The following FOXO1 variants were observed in gnomAD, a reference collection of about 807,000 sequenced individuals.
FOXO1 encodes forkhead box protein O1.
In FOXO1, 6 loss-of-function variants were observed where a neutral mutation model predicts 44.1. The observed-to-expected ratio is 0.14, with a 90% CI of 0.07 to 0.27. The LOEUF (loss-of-function observed/expected upper bound fraction) is 0.27. Ranked by LOEUF, FOXO1 falls within the 10% of genes least tolerant of loss-of-function variation. FOXO1 has a pLI of 1.00. For synonymous variants in FOXO1, 380 were observed against 362.7 expected (o/e 1.05, Z -0.54); for missense variants, 737 against 888.8 (o/e 0.83, Z 2.17).
intron 1 of FOXO1, among the ~76,000 whole-genome samples, chr13:40,608,499 G>A (rs1876105810): frequency 6.6e-6 from 1 of 152,112 alleles, no homozygotes; most frequent in Admixed American, 6.5e-5. Flanking sequence ...TGAGACTTTT[G>A]GGGTTATTTG....
intron 1 of FOXO1, among the ~76,000 whole-genome samples, chr13:40,570,535 G>C (rs1257768954): frequency 6.6e-6 from 1 of 152,120 alleles, no homozygotes; most frequent in African/African-American, 2.4e-5. Context: ...ATTAGCCAAA[G>C]GTCTAAATAT....
At chr13:40,619,434 T>C (rs541519661) in intron 1 of FOXO1, 3 of 1,100,600 alleles carry the variant, frequency 2.7e-6, no homozygotes, top group East Asian at 2.4e-5. Context: ...GTGGACAAAA[T>C]GGGAATCAAA....
At chr13:40,577,766 G>A (rs537432416) in intron 1 of FOXO1, among the ~76,000 whole-genome samples, 3 of 152,208 alleles carry the variant, frequency 2.0e-5, no homozygotes, top group African/African-American at 7.2e-5. Context: ...TATACTCAAT[G>A]CCTAGAACAG....
At position 40,567,751 on chromosome 13, in the gene FOXO1, C is replaced by T. The variant is rs914567569; in HGVS notation, c.631-6891G>A. 4.6e-5 allele frequency among the ~76,000 whole-genome samples: 7 copies of T among 152,178 alleles called. No homozygotes were observed. In the East Asian group the frequency reaches 1.4e-3, roughly 29 times the overall value. ...TTGGGAGGCTGAGGAGGGCAGATCACAAGATCAGGAGTTCGAGACCAGCCT... is the reference window on the plus strand; with the variant it reads ...TTGGGAGGCTGAGGAGGGCAGATCATAAGATCAGGAGTTCGAGACCAGCCT... On this transcript the variant is annotated intron_variant, in intron 1 of 2. Transcript: ENST00000379561.
chr13:40,653,796 C>G (rs1001663438), intron 1 of FOXO1, among the ~76,000 whole-genome samples: 8 of 152,120 alleles, frequency 5.3e-5, no homozygotes, highest in Admixed American at 2.0e-4. Flanking sequence ...TAAGTACTCA[C>G]CAGTACTTAC....
At chr13:40,652,718 G>A (rs1049312185) in intron 1 of FOXO1, among the ~76,000 whole-genome samples, 9 of 152,124 alleles carry the variant, frequency 5.9e-5, no homozygotes, top group Non-Finnish European at 1.0e-4. Context: ...CATTGTGACC[G>A]TTACTACCTC....
At position 40,560,183 on chromosome 13, in the gene FOXO1, C is replaced by G. The variant is rs767235452; in HGVS notation, c.1308G>C (p.Gln436His). The G allele has an allele frequency of 2.7e-5, 43 of 1,614,168 alleles. No homozygotes were observed. The highest frequency in any genetic ancestry group is 3.6e-5 in the Non-Finnish European group (42 of 1,180,026). The change falls in exon 2 of 3, where the codon CAG (glutamine) becomes CAC (histidine). Residue 436 changes from glutamine to histidine, a missense_variant. This residue lies in a region of FOXO1 where 283 missense variants were observed against 278.1 expected (regional missense o/e 1.02). Transcript: ENST00000379561. The surrounding 1 kb of genome is among the most constrained non-coding windows in gnomAD (Gnocchi z 5.1). ...TGTCCTGAAGTGTTTGTATAGGCAT[C>G]TGGGGCAAAGGGCTCATGCTGGATT... ...YGQSSMSPLP[Q>H]MPIQTLQDNK...
Position 40,665,405 on chromosome 13 carries a change from C to T in FOXO1, c.630+178G>A, listed in dbSNP as rs528286256. ...ACTCCTGACTGGCGCGCACGCACAC[C>T]TACTGCCGTCCCCGACCGGACCCGG... On this transcript the variant is annotated intron_variant, in intron 1 of 2. Coordinates refer to ENST00000379561, the MANE Select transcript of FOXO1 (RefSeq NM_002015.4). Among the ~76,000 whole-genome samples the T allele has an allele frequency of 3.0e-3, 457 of 152,032 alleles. 1 individual carries two copies. Among genetic ancestry groups the T allele is most frequent in the African/African-American group, 0.011 (438 of 41,310 alleles).
chr13:40,574,817 C>T (rs559389561), intron 1 of FOXO1, among the ~76,000 whole-genome samples: 23 of 152,146 alleles, frequency 1.5e-4, no homozygotes, highest in African/African-American at 4.3e-4. Flanking sequence ...TGGTACCCTA[C>T]CACCCCCAAA....
intron 1 of FOXO1, chr13:40,620,606 T>C: frequency 2.4e-6 from 1 of 422,734 alleles, no homozygotes; most frequent in Non-Finnish European, 4.5e-6. Context: ...GAGAACTGAG[T>C]AACCTTAGGT....
intron 1 of FOXO1, among the ~76,000 whole-genome samples, chr13:40,639,058 G>A (rs1877262457): frequency 6.6e-6 from 1 of 152,186 alleles, no homozygotes; most frequent in African/African-American, 2.4e-5. Context: ...GCCAGGTGTG[G>A]TGGTGCGTGC....
intron 1 of FOXO1, among the ~76,000 whole-genome samples, chr13:40,630,786 C>G (rs984135861): frequency 5.3e-5 from 8 of 152,258 alleles, no homozygotes; most frequent in African/African-American, 1.9e-4. Context: ...CTCCTCAACA[C>G]CACTCTGTCA....
At chr13:40,585,318 A>T (rs1269957899) in intron 1 of FOXO1, among the ~76,000 whole-genome samples, 2 of 147,734 alleles carry the variant, frequency 1.4e-5, no homozygotes, top group African/African-American at 5.2e-5. Flanking sequence ...CCCCTTTAGT[A>T]TGTAAGTATT....
chr13:40,569,069 T>TA (rs1386747285), intron 1 of FOXO1, among the ~76,000 whole-genome samples: 38 of 152,190 alleles, frequency 2.5e-4, no homozygotes, highest in African/African-American at 8.9e-4. Context: ...GACACAAATT[T>TA]AGTTACACAG....
At chr13:40,618,578 A>G (rs1463377263) in intron 1 of FOXO1, among the ~76,000 whole-genome samples, 1 of 152,242 alleles carries the variant, frequency 6.6e-6, no homozygotes, top group Non-Finnish European at 1.5e-5. Context: ...CAAGAACAGT[A>G]CAGTAGTTAA....
chr13:40,593,185 G>C (rs567927255), intron 1 of FOXO1, among the ~76,000 whole-genome samples: 2 of 152,056 alleles, frequency 1.3e-5, no homozygotes, highest in African/African-American at 4.8e-5. Context: ...CACCACGCCT[G>C]GCTAATTTTT....
chr13:40,619,561 C>T lies in FOXO1; in HGVS notation c.630+46022G>A. 3 of 1,414,758 alleles carry T rather than the reference C, an allele frequency of 2.1e-6. No homozygotes were observed. In the East Asian group the frequency reaches 6.9e-5, roughly 32 times the overall value. 87.6% of individuals were successfully genotyped at this position (1,414,758 alleles called of 1,614,324 possible). The stretch of plus-strand genomic sequence containing the variant: ...AATTCATGGAGATTATACAAACATT[C>T]CACTTTCAGATAGTAACAGAGATCA... On this transcript the variant is annotated intron_variant, in intron 1 of 2. Coordinates refer to ENST00000379561, the MANE Select transcript of FOXO1 (RefSeq NM_002015.4).
At chr13:40,657,236 A>G (rs1162238345) in intron 1 of FOXO1, among the ~76,000 whole-genome samples, 1 of 152,194 alleles carries the variant, frequency 6.6e-6, no homozygotes, top group Non-Finnish European at 1.5e-5. Flanking sequence ...TAGAAAAGGT[A>G]GTAGAAATTC....
At position 40,666,595 on chromosome 13, in the gene FOXO1, T is replaced by TGCGGCA. The variant is rs1393243777; in HGVS notation, c.-389_-384dup. ...GCTGCTGCCTGTTGAATGTGGCGGCTGCGGCAGCGGCTGCTGCGACTACCA... is the reference window on the plus strand; with the variant it reads ...GCTGCTGCCTGTTGAATGTGGCGGCTGCGGCAGCGGCAGCGGCTGCTGCGACTACCA... On this transcript the variant is annotated 5_prime_UTR_variant, in exon 1 of 3. Transcript: ENST00000379561. 5.0e-6 allele frequency: 1 copy of TGCGGCA among 201,026 alleles called. No homozygotes were observed. The highest frequency in any genetic ancestry group is 6.0e-5 in the Admixed American group (1 of 16,564). The allele number at this position is 201,026 out of a possible 1,614,324, so 12.5% of individuals were successfully genotyped here.
Sources: allele counts gnomAD v4.1 joint callset (sites outside exome capture counted in the v4.1 genomes callset), GRCh38; gene constraint gnomAD v4.1.1; regional missense constraint gnomAD v4.1.1; non-coding constraint Gnocchi (gnomAD v3.1); transcripts MANE v1.5; gene names NCBI Gene and HGNC (gene_info 2026-07-23, HGNC 2026-07-21).